Variants in CACNB2 observed in about 807,000 individuals in gnomAD.
CACNB2 encodes the protein calcium voltage-gated channel auxiliary subunit beta 2, also known as voltage-dependent L-type calcium channel subunit beta-2.
In CACNB2, 42 loss-of-function variants were observed where a neutral mutation model predicts 73.3. The observed-to-expected ratio is 0.57, with a 90% CI of 0.45 to 0.74. The LOEUF (loss-of-function observed/expected upper bound fraction) is 0.74, where lower values mean the gene tolerates loss of function less well. Among genes scored for constraint, CACNB2 ranks in the 30% least tolerant of loss-of-function variants. The probability of loss-of-function intolerance (pLI) is 0.00; values close to 1 mark genes in which losing one functional copy is unlikely to be tolerated. For synonymous variants in CACNB2, 348 were observed against 310.3 expected (o/e 1.12, Z -1.28); for missense variants, 940 against 853.0 (o/e 1.10, Z -1.27).
At chr10:18,407,513 G>C (rs1589262512) in intron 3 of CACNB2, among the ~76,000 whole-genome samples, 1 of 152,132 alleles carries the variant, frequency 6.6e-6, no homozygotes, top group East Asian at 1.9e-4. Context: ...ATTTTGACAT[G>C]ACATGCCTTG....
intron 10 of CACNB2, among the ~76,000 whole-genome samples, chr10:18,530,890 T>A (rs1439063853): frequency 6.6e-6 from 1 of 152,192 alleles, no homozygotes; most frequent in East Asian, 1.9e-4. Flanking sequence ...TATGAAGCGA[T>A]GACGCTTCAC....
intron 3 of CACNB2, among the ~76,000 whole-genome samples, chr10:18,411,455 T>C (rs999032375): frequency 5.9e-5 from 9 of 151,616 alleles, no homozygotes; most frequent in African/African-American, 2.2e-4. Flanking sequence ...CTGCTCATTA[T>C]AGACAATTTG....
intron 2 of CACNB2, among the ~76,000 whole-genome samples, chr10:18,259,262 G>T (rs1176416867): frequency 6.6e-6 from 1 of 151,946 alleles, no homozygotes; most frequent in Non-Finnish European, 1.5e-5. Context: ...TAAAAGTGTT[G>T]CTTTAAATCA....
Position 18,539,349 on chromosome 10 carries a change from C to G in CACNB2, c.1608C>G (p.Ala536=). The change falls in exon 14 of 14, where the codon GCC becomes GCG. Residue 536 remains alanine (A), a synonymous_variant. Transcript: ENST00000324631. ...KKSQHRSSSS[A]PHHNHRSGTS... is the part of the protein sequence containing the mutation. ...CCCAGCACCGCTCTTCCTCCTCAGC[C>G]CCACACCACAACCATCGCAGTGGGA... is the stretch of plus-strand genomic sequence containing the variant. 6.2e-7 allele frequency: 1 copy of G among 1,614,088 alleles called. No individual in the cohort carries two copies. Among genetic ancestry groups the G allele is most frequent in the East Asian group, 2.2e-5 (1 of 44,876 alleles).
At chr10:18,426,661 G>A (rs2045613450) in intron 3 of CACNB2, among the ~76,000 whole-genome samples, 2 of 152,124 alleles carry the variant, frequency 1.3e-5, no homozygotes, top group South Asian at 4.2e-4. Flanking sequence ...GCAACCTGGC[G>A]AGAATGTGTC....
chr10:18,201,751 A>G (rs1258016320), intron 2 of CACNB2, among the ~76,000 whole-genome samples: 11 of 152,228 alleles, frequency 7.2e-5, no homozygotes, highest in Admixed American at 2.0e-4. Context: ...TTTAAAATGT[A>G]TAACATATTA....
chr10:18,487,082 G>A (rs1451799558), intron 3 of CACNB2, among the ~76,000 whole-genome samples: 1 of 152,170 alleles, frequency 6.6e-6, no homozygotes, highest in African/African-American at 2.4e-5. Context: ...GCGAGAGATT[G>A]TTCGGACCAG....
chr10:18,244,253 C>T lies in CACNB2; in HGVS notation c.213+93278C>T, dbSNP rs576238506. On this transcript the variant is annotated intron_variant, in intron 2 of 13. Coordinates refer to ENST00000324631, the MANE Select transcript of CACNB2 (RefSeq NM_201596.3). ...AAAAAAAGAGTTCATTCTGGAACCA[C>T]AGATGTCTGGTTTCTTTGCTGAGAT... 2.6e-5 allele frequency among the ~76,000 whole-genome samples: 4 copies of T among 152,298 alleles called. No homozygotes were observed. The South Asian group carries it at 8.3e-4, about 32-fold the overall frequency.
chr10:18,298,819 A>T (rs1261946756), intron 2 of CACNB2, among the ~76,000 whole-genome samples: 2 of 152,188 alleles, frequency 1.3e-5, no homozygotes, highest in African/African-American at 4.8e-5. Context: ...CAGAGGTAAT[A>T]AGAATGGCGG....
intron 3 of CACNB2, among the ~76,000 whole-genome samples, chr10:18,444,169 C>G (rs1166362249): frequency 6.6e-6 from 1 of 152,000 alleles, no homozygotes; most frequent in Non-Finnish European, 1.5e-5. Flanking sequence ...GAGGGGGTGC[C>G]TTAGGGAGGT....
intron 11 of CACNB2, among the ~76,000 whole-genome samples, chr10:18,535,578 C>A (rs955662183): frequency 6.6e-6 from 1 of 152,000 alleles, no homozygotes; most frequent in Non-Finnish European, 1.5e-5. Context: ...CGAGACCATC[C>A]TGGCTAACAC....
intron 3 of CACNB2, among the ~76,000 whole-genome samples, chr10:18,431,528 A>G (rs2045889499): frequency 6.6e-6 from 1 of 152,222 alleles, no homozygotes; most frequent in South Asian, 2.1e-4. Flanking sequence ...ATGTCAACAT[A>G]AACACAGGCT....
chr10:18,418,999 G>A (rs980430390), intron 3 of CACNB2, among the ~76,000 whole-genome samples: 2 of 152,196 alleles, frequency 1.3e-5, no homozygotes, highest in African/African-American at 4.8e-5. Flanking sequence ...TTACATTTGA[G>A]TCAACCTACA....
intron 5 of CACNB2, 65 bp downstream of exon 5, chr10:18,501,013 C>T: frequency 2.1e-6 from 3 of 1,410,004 alleles, no homozygotes; most frequent in South Asian, 2.3e-5. Flanking sequence ...GTACTGTTGT[C>T]TGCTGTATTC....
At chr10:18,495,102 A>G (rs1027160395) in intron 3 of CACNB2, among the ~76,000 whole-genome samples, 1 of 152,198 alleles carries the variant, frequency 6.6e-6, no homozygotes, top group Non-Finnish European at 1.5e-5. Flanking sequence ...TAAGAAAATA[A>G]TTCTAAGTAG....
intron 2 of CACNB2, among the ~76,000 whole-genome samples, chr10:18,384,291 T>C (rs1346592275): frequency 6.6e-6 from 1 of 152,190 alleles, no homozygotes; most frequent in Non-Finnish European, 1.5e-5. Flanking sequence ...TTTTCTGTAA[T>C]TGAAAAACAA....
intron 2 of CACNB2, among the ~76,000 whole-genome samples, chr10:18,308,949 A>G (rs1477049156): frequency 6.6e-6 from 1 of 152,204 alleles, no homozygotes; most frequent in Non-Finnish European, 1.5e-5. Context: ...ATATTTGAAT[A>G]CTAACTTCCA....
intron 3 of CACNB2, among the ~76,000 whole-genome samples, chr10:18,485,478 T>G (rs1021635055): frequency 6.9e-6 from 1 of 145,916 alleles, no homozygotes; most frequent in African/African-American, 2.5e-5. Context: ...TATAAGAAGT[T>G]AGTGTACACA....
At chr10:18,348,786 A>G (rs2078027367) in intron 2 of CACNB2, among the ~76,000 whole-genome samples, 2 of 152,112 alleles carry the variant, frequency 1.3e-5, no homozygotes, top group Admixed American at 1.3e-4. Flanking sequence ...TACAGGTTTG[A>G]GCCACTGTGC....
Sources: allele counts gnomAD v4.1 joint callset (sites outside exome capture counted in the v4.1 genomes callset), GRCh38; gene constraint gnomAD v4.1.1; transcripts MANE v1.5; gene names NCBI Gene and HGNC (gene_info 2026-07-23, HGNC 2026-07-21).